The following ARSD variants were observed in gnomAD, a reference collection of about 807,000 sequenced individuals.
The protein encoded by ARSD is arylsulfatase D, also known as testis tissue sperm-binding protein Li 39a.
Under a neutral mutation model 32.6 loss-of-function variants are expected in ARSD, and 21 were observed. The observed-to-expected ratio is 0.64, with a 90% confidence interval of 0.46 to 0.93. ARSD has a LOEUF of 0.93. ARSD is among the 40% of genes least tolerant of loss of function. ARSD has a pLI of 0.00. For missense variants in ARSD, 454 were observed against 520.9 expected, an observed-to-expected ratio of 0.87 and a Z score of 1.25; for synonymous variants, 224 against 237.4, an observed-to-expected ratio of 0.94 and a Z score of 0.52.
At chrX:2,925,585 C>A (rs767268020) in intron 2 of ARSD, 31 bp downstream of exon 2, 1 of 1,195,009 alleles carries the variant, frequency 8.4e-7, no homozygotes, top group South Asian at 1.8e-5. Flanking sequence ...ACTCACATAA[C>A]ATCATCACCA....
Position 2,910,788 on chromosome X carries a change from C to G in ARSD, c.1006G>C (p.Val336Leu). ...CCATTGTCTTCGATGGCATTAAGAA[C>G]CTTACCTTTACAGAAAATGGAAAGT... ...VEEMDWLIGKVLNAIEDNGLK... is the reference protein window; with the variant it reads ...VEEMDWLIGKLLNAIEDNGLK... Residue 336 changes from valine to leucine, a missense_variant, in exon 7 of 10, where the codon GTT becomes CTT. Val to Leu is a conservative substitution (Grantham distance 32). This residue lies in a region of ARSD where 271 missense variants were observed against 301.0 expected (regional missense o/e 0.90). Coordinates refer to ENST00000381154, the MANE Select transcript of ARSD (RefSeq NM_001669.4). 1 of 1,207,944 alleles carries G rather than the reference C, an allele frequency of 8.3e-7. No homozygotes were observed. Among genetic ancestry groups the G allele is most frequent in the South Asian group, 1.8e-5 (1 of 56,250 alleles).
At chrX:2,918,640 T>C (rs1172748336) in intron 4 of ARSD, among the ~76,000 whole-genome samples, 6 of 111,147 alleles carry the variant, frequency 5.4e-5, no homozygotes, top group Admixed American at 2.9e-4. Flanking sequence ...CTCGGGAGGC[T>C]GAGGCAGGAG....
intron 6 of ARSD, 105 bp from the exon 7 acceptor site, chrX:2,910,898 TAAG>T (rs2088896102): frequency 1.0e-6 from 1 of 967,354 alleles, no homozygotes; most frequent in Non-Finnish European, 1.4e-6. Context: ...CAGGAAGTCA[TAAG>T]AAGAGACCAC....
At chrX:2,928,869 C>G (rs758429893) in intron 1 of ARSD, among the ~76,000 whole-genome samples, 46 of 112,058 alleles carry the variant, frequency 4.1e-4, no homozygotes, top group Non-Finnish European at 7.2e-4. Flanking sequence ...GGCGGAGGAC[C>G]CAGCAGGGCG....
At chrX:2,914,987 G>A (rs2088941819) in intron 6 of ARSD, among the ~76,000 whole-genome samples, 1 of 111,072 alleles carries the variant, frequency 9.0e-6, no homozygotes, top group South Asian at 3.8e-4. Flanking sequence ...CGATCCTCCT[G>A]CCTCAGCCTC....
chrX:2,923,211 C>T (rs1191449325), intron 2 of ARSD: 4 of 248,029 alleles, frequency 1.6e-5, no homozygotes, highest in South Asian at 1.2e-4. Context: ...CGGTGGTTCA[C>T]GCCTGTCATC....
intron 6 of ARSD, 116 bp from the exon 7 acceptor site, chrX:2,910,909 C>T: frequency 1.1e-6 from 1 of 870,394 alleles, no homozygotes; most frequent in East Asian, 3.2e-5. Flanking sequence ...AAGAAGAGAC[C>T]ACACTTACTC....
intron 8 of ARSD, among the ~76,000 whole-genome samples, chrX:2,909,389 C>T (rs1344915575): frequency 2.7e-5 from 3 of 110,973 alleles, no homozygotes; most frequent in Admixed American, 9.6e-5. Flanking sequence ...GGTTTCACCA[C>T]GTTGGCCAGG....
rs187116003 is a variant in ARSD, at chrX:2,925,569, C to T, written c.194+47G>A. The T allele has an allele frequency of 1.7e-3, 2,005 of 1,168,119 alleles. 4 individuals carry two copies. The highest frequency in any genetic ancestry group is 2.0e-3 in the Non-Finnish European group (1,710 of 870,419). On this transcript the variant is annotated intron_variant, in intron 2 of 9. Transcript: ENST00000381154. The stretch of plus-strand genomic sequence containing the variant: ...CAGGCAGATTTTAAATGCACCATTC[C>T]GTCAAACTCACATAACATCATCACC...
At position 2,910,750 on chromosome X, in the gene ARSD, T is replaced by G; in HGVS notation, c.1044A>C (p.Ser348=). ...NAIEDNGLKN[S]TFTYFTSDHG... ...GGTCAGAGGTGAAATACGTGAATGT[T>G]GAGTTCTTTAAACCATTGTCTTCGA... Residue 348 remains serine, a synonymous_variant, in exon 7 of 10, where the codon TCA becomes TCC. Coordinates refer to ENST00000381154, the MANE Select transcript of ARSD (RefSeq NM_001669.4). The G allele has an allele frequency of 8.3e-7, 1 of 1,211,801 alleles. No homozygotes were observed. Among genetic ancestry groups the G allele is most frequent in the South Asian group, 1.8e-5 (1 of 56,994 alleles).
At position 2,905,072 on chromosome X, in the gene ARSD, T is replaced by C. The variant is rs1292393372; in HGVS notation, c.*2199A>G. On this transcript the variant is annotated 3_prime_UTR_variant, in exon 10 of 10. Transcript: ENST00000381154. The stretch of plus-strand genomic sequence containing the variant: ...CAGCCAACAGATGCCCCTGTAGGAT[T>C]TGGACACAGGGAGCCAGGGGAGAGG... The C allele has an allele frequency of 2.9e-6, 1 of 341,182 alleles. No homozygotes were observed. The highest frequency in any genetic ancestry group is 3.1e-5 in the Admixed American group (1 of 32,076). 28.1% of individuals were successfully genotyped at this position (341,182 alleles called of 1,213,427 possible).
chrX:2,922,767 G>A (rs1160456058), intron 2 of ARSD, among the ~76,000 whole-genome samples: 7 of 103,384 alleles, frequency 6.8e-5, no homozygotes, highest in African/African-American at 2.5e-4. Flanking sequence ...GAGCCCAGGA[G>A]GCGGAGGTTG....
At position 2,905,873 on chromosome X, in the gene ARSD, G is replaced by C; in HGVS notation, c.*1398C>G. On this transcript the variant is annotated 3_prime_UTR_variant, in exon 10 of 10. Transcript: ENST00000381154. Reference sequence around the variant, plus strand: ...GGATAATGGTTGGAAGCAGAAATTGGGTTGGGGCTTCCAGATAATCCCCCC... The same window carrying C: ...GGATAATGGTTGGAAGCAGAAATTGCGTTGGGGCTTCCAGATAATCCCCCC... 1 of 112,417 alleles carries C rather than the reference G, an allele frequency of 8.9e-6. No homozygotes were observed. Among genetic ancestry groups the C allele is most frequent in the Non-Finnish European group, 1.9e-5 (1 of 53,267 alleles). 9.3% of individuals were successfully genotyped at this position (112,417 alleles called of 1,213,427 possible). A position where few individuals can be genotyped will look rare whatever the true frequency, so the allele number is the denominator to read the frequency against.
Position 2,909,753 on chromosome X carries a change from TA to T in ARSD, c.1298+63del, listed in dbSNP as rs61456366. The T allele has an allele frequency of 7.5e-3, 5,773 of 767,349 alleles. 1 individual carries two copies. Among genetic ancestry groups the T allele is most frequent in the Admixed American group, 0.012 (239 of 19,811 alleles). The allele number at this position is 767,349 out of a possible 1,213,427, so 63.2% of individuals were successfully genotyped here. On this transcript the variant is annotated intron_variant, in intron 8 of 9. Coordinates refer to ENST00000381154, the MANE Select transcript of ARSD (RefSeq NM_001669.4). ...CCTGTTCCCCAAAATCCTATTGAAA[TA>T]AAAAAAAAAAACTAAAAACAATTAA...
At chrX:2,910,353 TTAAAA>T (rs1200504199) in intron 7 of ARSD, among the ~76,000 whole-genome samples, 1 of 110,065 alleles carries the variant, frequency 9.1e-6, no homozygotes, top group African/African-American at 3.3e-5. Context: ...ATTTAAAATA[TTAAAA>T]TAGTAATAAA....
At chrX:2,914,465 C>T in intron 6 of ARSD, 1 of 761,502 alleles carries the variant, frequency 1.3e-6, no homozygotes, top group Non-Finnish European at 1.6e-6. Context: ...GTCTTGAACT[C>T]CTGGTCTCAA....
intron 7 of ARSD, among the ~76,000 whole-genome samples, chrX:2,910,291 C>T (rs1396651806): frequency 1.0e-5 from 1 of 98,880 alleles, no homozygotes; most frequent in Admixed American, 1.1e-4. Context: ...TGTTTGTTAA[C>T]TATCAATAAT....
At position 2,918,215 on chromosome X, in the gene ARSD, T is replaced by C; in HGVS notation, c.452A>G (p.Gln151Arg). 1.7e-6 allele frequency: 2 copies of C among 1,155,457 alleles called. No individual in the cohort carries two copies. The highest frequency in any genetic ancestry group is 1.8e-5 in the African/African-American group (1 of 56,064). Residue 151 changes from glutamine to arginine, a missense_variant, in exon 5 of 10, where the codon CAG becomes CGG. Physicochemically the swap from Gln to Arg is conservative, Grantham distance 43 (BLOSUM62 1). Around this residue, in one of 3 missense-constraint regions of ARSD, gnomAD observed 271 missense variants for 301.0 expected, o/e 0.90. Transcript: ENST00000381154. ...CCCGCGGGATGCACAATTCACACCC[T>C]GGTGCCATTTTCCTAAAAGAAACGC... ...YATGLIGKWH[Q>R]GVNCASRGDH...
Position 2,915,683 on chromosome X carries a change from A to G in ARSD, c.873T>C (p.His291=). 1 of 1,210,582 alleles carries G rather than the reference A, an allele frequency of 8.3e-7. No individual in the cohort carries two copies. Among genetic ancestry groups the G allele is most frequent in the Non-Finnish European group, 1.1e-6 (1 of 894,661 alleles). ...EAVSYIERHK[H]GPFLLFLSLL... is the part of the protein sequence containing the mutation. The stretch of plus-strand genomic sequence containing the variant: ...AAGAAAGGAAGAGGAGAAATGGCCC[A>G]TGCTTGTGTCTGAAAGAAGAAAACT... Residue 291 remains histidine (H), a synonymous_variant, in exon 6 of 10, where the codon CAT becomes CAC. Transcript: ENST00000381154.
Sources: gnomAD v4.1 joint callset for allele counts (sites outside exome capture counted in the v4.1 genomes callset) on GRCh38, gnomAD v4.1.1 for gene constraint, gnomAD v4.1.1 regional missense constraint, MANE v1.5 for transcripts, NCBI Gene and HGNC (gene_info 2026-07-23, HGNC 2026-07-21) for gene names.